The following SLC44A5 variants were observed in gnomAD, a reference collection of about 807,000 sequenced individuals.
SLC44A5 encodes solute carrier family 44 member 5, also known as choline transporter-like protein 5.
Under a neutral mutation model 101.8 loss-of-function variants are expected in SLC44A5, and 57 were observed. That is an observed-to-expected ratio of 0.56 (90% CI 0.45 to 0.70). The LOEUF is 0.70. Among genes scored for constraint, SLC44A5 ranks in the 30% least tolerant of loss-of-function variants. The pLI, the probability that SLC44A5 is intolerant of heterozygous loss-of-function variation, is 0.00. For synonymous variants in SLC44A5, 281 were observed against 290.9 expected, an observed-to-expected ratio of 0.97 and a Z score of 0.35; for missense variants, 737 against 853.1, an observed-to-expected ratio of 0.86 and a Z score of 1.70.
intron 2 of SLC44A5, among the ~76,000 whole-genome samples, chr1:75,491,202 A>G (rs997722810): frequency 1.3e-5 from 2 of 152,154 alleles, no homozygotes; most frequent in Admixed American, 1.3e-4. Context: ...TACTCTGAAA[A>G]AGACACATGG....
At chr1:75,480,483 T>C (rs1006359314) in intron 2 of SLC44A5, among the ~76,000 whole-genome samples, 2 of 152,222 alleles carry the variant, frequency 1.3e-5, no homozygotes, top group Non-Finnish European at 2.9e-5. Context: ...GCAGATGACA[T>C]GATTGCATAT....
rs555733585 is a variant in SLC44A5 at position 75,205,641 on chromosome 1, A to G, written c.2048-1808T>C. On this transcript the variant is annotated intron_variant, in intron 23 of 23. Transcript: ENST00000370859. ...TATTAGATGATGGAGCGCCAACAGT[A>G]TATTTCCTTAGGGTAAAATCTGAAG... The G allele has an allele frequency of 7.9e-5, 12 of 152,302 alleles. No individual in the cohort carries two copies. The South Asian group carries it at 2.3e-3, about 29-fold the overall frequency. 9.4% of individuals were successfully genotyped at this position (152,302 alleles called of 1,614,324 possible). A position where few individuals can be genotyped will look rare whatever the true frequency, so the allele number is the denominator to read the frequency against.
At chr1:75,660,267 A>C in the SLC44A5 span, among the ~76,000 whole-genome samples, 24 of 152,288 alleles carry the variant, frequency 1.6e-4, no homozygotes, top group African/African-American at 5.5e-4. Context: ...AAAAATTATT[A>C]TATAAAATTC....
chr1:75,437,106 AG>A (rs1397586960), intron 2 of SLC44A5, among the ~76,000 whole-genome samples: 1 of 152,186 alleles, frequency 6.6e-6, no homozygotes, highest in East Asian at 1.9e-4. Context: ...TTAAAAAATA[AG>A]TAGAATAAGT....
At chr1:75,439,641 T>C (rs1392577494) in intron 2 of SLC44A5, among the ~76,000 whole-genome samples, 2 of 151,992 alleles carry the variant, frequency 1.3e-5, no homozygotes, top group African/African-American at 4.8e-5. Context: ...AATAAATAGA[T>C]AATCCACAAT....
chr1:75,441,973 A>G (rs941523052), intron 2 of SLC44A5, among the ~76,000 whole-genome samples: 1 of 152,144 alleles, frequency 6.6e-6, no homozygotes, highest in Non-Finnish European at 1.5e-5. Context: ...TATACCTAAA[A>G]TGGGTGAACA....
At chr1:75,343,294 T>C (rs1013986938) in intron 3 of SLC44A5, among the ~76,000 whole-genome samples, 1 of 152,156 alleles carries the variant, frequency 6.6e-6, no homozygotes, top group Non-Finnish European at 1.5e-5. Context: ...TTTGTTGTGG[T>C]GGTTAACAGT....
At chr1:75,595,566 C>A (rs1483716074) in intron 1 of SLC44A5, among the ~76,000 whole-genome samples, 1 of 152,122 alleles carries the variant, frequency 6.6e-6, no homozygotes, top group African/African-American at 2.4e-5. Flanking sequence ...ATTATTCAGG[C>A]ATGATCTGAA....
At chr1:75,432,702 T>C (rs551626659) in intron 2 of SLC44A5, among the ~76,000 whole-genome samples, 1 of 152,230 alleles carries the variant, frequency 6.6e-6, no homozygotes, top group South Asian at 2.1e-4. Context: ...GGTGGAGTCT[T>C]AGTACTGTAG....
chr1:75,489,150 G>A (rs1437794551), intron 2 of SLC44A5, among the ~76,000 whole-genome samples: 2 of 152,094 alleles, frequency 1.3e-5, no homozygotes, highest in Non-Finnish European at 2.9e-5. Flanking sequence ...TTAATACTAT[G>A]ATAGCTGTTC....
upstream of SLC44A5, among the ~76,000 whole-genome samples, chr1:75,616,040 A>AGCTCG (rs911644677): frequency 7.9e-5 from 12 of 151,826 alleles, no homozygotes; most frequent in African/African-American, 1.9e-4. Context: ...CTGCGCGCTC[A>AGCTCG]GCTCGGCTCG....
chr1:75,567,643 A>T (rs1481930905), intron 1 of SLC44A5, among the ~76,000 whole-genome samples: 1 of 152,186 alleles, frequency 6.6e-6, no homozygotes, highest in African/African-American at 2.4e-5. Context: ...CCAGTCACTA[A>T]CAGAGGAGAC....
intron 6 of SLC44A5, among the ~76,000 whole-genome samples, chr1:75,267,836 G>T (rs925044901): frequency 6.6e-6 from 1 of 152,006 alleles, no homozygotes; most frequent in Admixed American, 6.6e-5. Context: ...TTCCCAAAGG[G>T]CTAGGATTAC....
At chr1:75,622,461 A>G in the SLC44A5 span, among the ~76,000 whole-genome samples, 1 of 152,082 alleles carries the variant, frequency 6.6e-6, no homozygotes, top group African/African-American at 2.4e-5. Flanking sequence ...ACTCACAGTG[A>G]AGTGTCTGCT....
chr1:75,721,013 G>A, the SLC44A5 span, among the ~76,000 whole-genome samples: 10 of 152,146 alleles, frequency 6.6e-5, no homozygotes, highest in African/African-American at 1.9e-4. Flanking sequence ...TTCTTATTGT[G>A]CAAAGGAAGC....
At chr1:75,583,820 T>C (rs567009911) in intron 1 of SLC44A5, among the ~76,000 whole-genome samples, 17 of 152,284 alleles carry the variant, frequency 1.1e-4, no homozygotes, top group African/African-American at 2.6e-4. Flanking sequence ...CTTCCCAACA[T>C]GTGATTTGGT....
intron 2 of SLC44A5, among the ~76,000 whole-genome samples, chr1:75,410,211 C>T (rs961891864): frequency 1.4e-4 from 22 of 152,116 alleles, no homozygotes; most frequent in Admixed American, 6.6e-4. Flanking sequence ...AGAAATATAA[C>T]GCACAAATTT....
At chr1:75,289,461 T>C (rs1024176731) in intron 5 of SLC44A5, among the ~76,000 whole-genome samples, 13 of 152,200 alleles carry the variant, frequency 8.5e-5, no homozygotes, top group African/African-American at 3.1e-4. Flanking sequence ...GGGTACTATT[T>C]GGTCCATCAA....
chr1:75,629,749 G>A, the SLC44A5 span, among the ~76,000 whole-genome samples: 38,438 of 152,102 alleles, frequency 0.25, 6,735 homozygotes, highest in East Asian at 0.81. Flanking sequence ...AACCATGCTG[G>A]AAGTAAGCAG....
Sources: gnomAD v4.1 joint callset for allele counts (sites outside exome capture counted in the v4.1 genomes callset) on GRCh38, gnomAD v4.1.1 for gene constraint, MANE v1.5 for transcripts, NCBI Gene and HGNC (gene_info 2026-07-23, HGNC 2026-07-21) for gene names.